Variants in SOD1 observed in about 807,000 individuals in gnomAD.
SOD1 encodes superoxide dismutase [Cu-Zn].
SOD1 carries 8 observed loss-of-function variants against 15.9 expected under a neutral mutation model. That is an observed-to-expected ratio of 0.50 (90% CI 0.30 to 0.91). The LOEUF is 0.91. Ranked by LOEUF, SOD1 falls within the 40% of genes least tolerant of loss-of-function variation. The probability of loss-of-function intolerance (pLI) is 0.07; values close to 1 mark genes in which losing one functional copy is unlikely to be tolerated. For missense variants in SOD1, 137 were observed against 194.5 expected (o/e 0.70, Z 1.76); for synonymous variants, 86 against 71.2 (o/e 1.21, Z -1.04).
chr21:31,666,612 T>G (rs917284539), intron 3 of SOD1, 94 bp downstream of exon 3: 10 of 980,028 alleles, frequency 1.0e-5, no homozygotes, highest in Non-Finnish European at 1.6e-5. Context: ...TAATTCCGTG[T>G]TTCCCCCACC....
At position 31,668,536 on chromosome 21, in the gene SOD1, T is replaced by A. The variant is rs143100660; in HGVS notation, c.423T>A (p.Ala141=). The A allele has an allele frequency of 3.7e-4, 590 of 1,614,006 alleles. No individual in the cohort carries two copies. In the Middle Eastern group the frequency reaches 3.8e-3, roughly 10 times the overall value. The change falls in exon 5 of 5, where the codon GCT becomes GCA. Residue 141 remains alanine (A), a synonymous_variant. Transcript: ENST00000270142. ...GNEESTKTGN[A]GSRLACGVIG... ...AAGAAAGTACAAAGACAGGAAACGC[T>A]GGAAGTCGTTTGGCTTGTGGTGTAA...
At chr21:31,667,612 G>C (rs544820540) in intron 4 of SOD1, among the ~76,000 whole-genome samples, 1 of 152,234 alleles carries the variant, frequency 6.6e-6, no homozygotes, top group East Asian at 1.9e-4. Context: ...GACCATATTA[G>C]ATCTGAGTTT....
intron 2 of SOD1, among the ~76,000 whole-genome samples, 200 bp from the exon 3 acceptor site, chr21:31,666,249 C>T (rs2049592179): frequency 1.3e-5 from 2 of 152,130 alleles, no homozygotes; most frequent in Admixed American, 1.3e-4. Context: ...GCTGGGGTTC[C>T]AGGTGTTAGC....
intron 1 of SOD1, 135 bp from the exon 2 acceptor site, chr21:31,663,655 T>G: frequency 1.5e-6 from 1 of 671,948 alleles, no homozygotes; most frequent in Non-Finnish European, 2.7e-6. Flanking sequence ...GGCTAGAAAG[T>G]GGTCAGCCTG....
intron 1 of SOD1, among the ~76,000 whole-genome samples, chr21:31,663,504 A>G (rs1728079015): frequency 6.6e-6 from 1 of 152,092 alleles, no homozygotes; most frequent in Admixed American, 6.5e-5. Context: ...TTTGCTTGCC[A>G]CTCTATTAGG....
chr21:31,668,891 C>T lies in SOD1; in HGVS notation c.*313C>T, dbSNP rs1302632220. ...CTGTGAATAAAAACCCTGTATGGCA[C>T]TTATTATGAGGCTATTAAAAGAATC... On this transcript the variant is annotated 3_prime_UTR_variant, in exon 5 of 5. Transcript: ENST00000270142. 6.0e-6 allele frequency: 2 copies of T among 331,658 alleles called. No homozygotes were observed. Among genetic ancestry groups the T allele is most frequent in the East Asian group, 6.7e-5 (1 of 14,868 alleles). The allele number at this position is 331,658 out of a possible 1,614,324, so 20.5% of individuals were successfully genotyped here.
chr21:31,662,034 A>G (rs1342789471), intron 1 of SOD1, among the ~76,000 whole-genome samples: 1 of 152,172 alleles, frequency 6.6e-6, no homozygotes, highest in Admixed American at 6.5e-5. Context: ...TTAGCCCAGG[A>G]CAGTACTGCT....
chr21:31,667,654 G>A (rs2049608092), intron 4 of SOD1, among the ~76,000 whole-genome samples: 1 of 152,170 alleles, frequency 6.6e-6, no homozygotes, highest in Non-Finnish European at 1.5e-5. Context: ...GTTTTAAAAT[G>A]GCCAGATTTT....
rs907404744 is a variant in SOD1 at position 31,659,694 on chromosome 21, C to G, written c.-76C>G. On this transcript the variant is annotated 5_prime_UTR_variant, in exon 1 of 5. Transcript: ENST00000270142. ...GTCGCGGAGACGGGGTGCTGGTTTG[C>G]GTCGTAGTCTCCTGCAGCGTCTGGG... 1 of 1,475,288 alleles carries G rather than the reference C, an allele frequency of 6.8e-7. No individual in the cohort carries two copies. Among genetic ancestry groups the G allele is most frequent in the Non-Finnish European group, 9.5e-7 (1 of 1,056,006 alleles). 91.4% of individuals were successfully genotyped at this position (1,475,288 alleles called of 1,614,324 possible).
intron 1 of SOD1, 45 bp from the exon 2 acceptor site, chr21:31,663,745 T>G: frequency 6.9e-7 from 1 of 1,454,824 alleles, no homozygotes; most frequent in Non-Finnish European, 9.6e-7. Context: ...AATCAGCTGT[T>G]TTCTTTGTTC....
At chr21:31,667,082 T>C in intron 3 of SOD1, 176 bp from the exon 4 acceptor site, 1 of 646,450 alleles carries the variant, frequency 1.5e-6, no homozygotes. Context: ...GCCCCATCTT[T>C]CTTCCCAGAG....
At position 31,663,904 on chromosome 21, in the gene SOD1, C is replaced by A; in HGVS notation, c.169+18C>A. The A allele has an allele frequency of 2.6e-6, 4 of 1,567,940 alleles. No individual in the cohort carries two copies. The highest frequency in any genetic ancestry group is 3.5e-6 in the Non-Finnish European group (4 of 1,138,138). On this transcript the variant is annotated intron_variant, in intron 2 of 4. Coordinates refer to ENST00000270142, the MANE Select transcript of SOD1 (RefSeq NM_000454.5). ...TACAGCAGGTGGGTGTTGTGCTGTG[C>A]TGGTGACCCATACTTGTTCACCCTA...
At chr21:31,668,044 C>G (rs188383876) in intron 4 of SOD1, among the ~76,000 whole-genome samples, 4 of 151,778 alleles carry the variant, frequency 2.6e-5, no homozygotes, top group Non-Finnish European at 1.5e-5. Context: ...AGGATTATAC[C>G]TTACTTATAG....
At position 31,667,363 on chromosome 21, in the gene SOD1, C is replaced by T. The variant is rs2049604191; in HGVS notation, c.345C>T (p.Gly115=). The change falls in exon 4 of 5, where the codon GGC becomes GGT. Residue 115 remains glycine, a synonymous_variant. Coordinates refer to ENST00000270142, the MANE Select transcript of SOD1 (RefSeq NM_000454.5). The part of the protein sequence containing the change: ...ISLSGDHCII[G]RTLVVHEKAD... ...TCTCAGGAGACCATTGCATCATTGG[C>T]CGCACACTGGTGGTAAGTTTTCATA... 1 of 1,609,558 alleles carries T rather than the reference C, an allele frequency of 6.2e-7. No homozygotes were observed. Among genetic ancestry groups the T allele is most frequent in the African/African-American group, 1.3e-5 (1 of 74,958 alleles).
chr21:31,661,920 G>T (rs1278526965), intron 1 of SOD1, among the ~76,000 whole-genome samples: 2 of 152,096 alleles, frequency 1.3e-5, no homozygotes, highest in Non-Finnish European at 2.9e-5. Context: ...TTAAAATCTT[G>T]GACTCTTTGC....
intron 2 of SOD1, among the ~76,000 whole-genome samples, chr21:31,665,072 C>T (rs1261500873): frequency 6.6e-6 from 1 of 152,132 alleles, no homozygotes; most frequent in Non-Finnish European, 1.5e-5. Flanking sequence ...AGTAGCTCTA[C>T]ACCCCAAACA....
intron 1 of SOD1, 61 bp downstream of exon 1, chr21:31,659,902 A>G: frequency 6.4e-7 from 1 of 1,555,048 alleles, no homozygotes; most frequent in Non-Finnish European, 8.8e-7. Context: ...CCCCCCGCGC[A>G]CCTTTGCTAG....
intron 2 of SOD1, 88 bp from the exon 3 acceptor site, chr21:31,666,360 CA>C: frequency 1.0e-6 from 1 of 966,840 alleles, no homozygotes. Context: ...GCACTTTCTC[CA>C]TGGGAAGTTT....
At chr21:31,666,727 A>C in intron 3 of SOD1, 1 of 603,938 alleles carries the variant, frequency 1.7e-6, no homozygotes, top group Non-Finnish European at 2.9e-6. Flanking sequence ...ACTTAAAACG[A>C]TTTGGTTTTG....
Sources: gnomAD v4.1 joint callset for allele counts (sites outside exome capture counted in the v4.1 genomes callset) on GRCh38, gnomAD v4.1.1 for gene constraint, MANE v1.5 for transcripts, NCBI Gene and HGNC (gene_info 2026-07-23, HGNC 2026-07-21) for gene names.